Variants in GREB1 observed in about 807,000 individuals in gnomAD.
The protein encoded by GREB1 is protein GREB1.
A neutral mutation model predicts 200.7 loss-of-function variants in GREB1; 106 were observed. The observed-to-expected ratio is 0.53, with a 90% CI of 0.45 to 0.62. The LOEUF (loss-of-function observed/expected upper bound fraction) is 0.62, where lower values mean the gene tolerates loss of function less well. Ranked by LOEUF, GREB1 falls within the 20% of genes least tolerant of loss-of-function variation. GREB1 has a pLI of 0.00. For synonymous variants in GREB1, 1,132 were observed against 1,092.4 expected, an observed-to-expected ratio of 1.04 and a Z score of -0.72; for missense variants, 2,243 against 2,556.8, an observed-to-expected ratio of 0.88 and a Z score of 2.65.
chr2:11,489,136 C>T (rs1187649611), intron 1 of GREB1, among the ~76,000 whole-genome samples: 1 of 152,054 alleles, frequency 6.6e-6, no homozygotes, highest in Non-Finnish European at 1.5e-5. Context: ...CTGGTAGGAA[C>T]AATTAGAGAA....
At chr2:11,502,399 T>G (rs1259856207) in intron 1 of GREB1, among the ~76,000 whole-genome samples, 2 of 150,884 alleles carry the variant, frequency 1.3e-5, no homozygotes, top group Non-Finnish European at 3.0e-5. Context: ...TTTTTTTTTT[T>G]TTTGTAGAAA....
intron 19 of GREB1, 126 bp downstream of exon 19, chr2:11,612,736 G>A (rs1467587219): frequency 1.8e-5 from 11 of 617,050 alleles, no homozygotes; most frequent in Admixed American, 1.7e-4. Context: ...CACAGGCCCC[G>A]TGGGTGGGGC....
At chr2:11,485,526 A>T (rs1672636915) in intron 1 of GREB1, among the ~76,000 whole-genome samples, 1 of 151,560 alleles carries the variant, frequency 6.6e-6, no homozygotes, top group Non-Finnish European at 1.5e-5. Flanking sequence ...CACCCACCTC[A>T]GCCTCCCAAA....
intron 5 of GREB1, among the ~76,000 whole-genome samples, chr2:11,577,104 A>G (rs16857656): frequency 0.014 from 2,071 of 152,158 alleles, 44 homozygotes; most frequent in African/African-American, 0.047. Context: ...ATTACCTCCT[A>G]TGGCAAGTAT....
chr2:11,552,669 C>A (rs955753240), intron 1 of GREB1, among the ~76,000 whole-genome samples: 2 of 152,156 alleles, frequency 1.3e-5, no homozygotes, highest in African/African-American at 2.4e-5. Context: ...GCCATGGTAT[C>A]TAGAAAGTCC....
At chr2:11,613,054 G>A (rs189253822) in intron 19 of GREB1, among the ~76,000 whole-genome samples, 44 of 152,330 alleles carry the variant, frequency 2.9e-4, no homozygotes, top group South Asian at 6.2e-4. Context: ...CTTAGGAGGC[G>A]TTCTGGGAGT....
intron 21 of GREB1, among the ~76,000 whole-genome samples, chr2:11,617,424 G>A (rs1683511211): frequency 6.6e-6 from 1 of 152,234 alleles, no homozygotes; most frequent in Admixed American, 6.5e-5. Context: ...TAAATGAGAT[G>A]TAGACCTGAC....
chr2:11,513,982 AAG>A (rs1422322073), intron 1 of GREB1, among the ~76,000 whole-genome samples: 2 of 152,174 alleles, frequency 1.3e-5, no homozygotes, highest in African/African-American at 4.8e-5. Flanking sequence ...CTCACATCCT[AAG>A]AGGGGAGGAT....
rs978847916 is a variant in GREB1 at position 11,586,005 on chromosome 2, G to A, written c.1159+100G>A. ...ACCTCATCCCGGTCTGACTCCAAGG[G>A]TATCCTCCTGAGACAAACCTAAAAT... On this transcript the variant is annotated intron_variant, in intron 9 of 32. Coordinates refer to ENST00000381486, the MANE Select transcript of GREB1 (RefSeq NM_014668.4). The A allele has an allele frequency of 3.9e-6, 5 of 1,266,960 alleles. No homozygotes were observed. In the Admixed American group the frequency reaches 7.1e-5, roughly 18 times the overall value. The allele number at this position is 1,266,960 out of a possible 1,614,324, so 78.5% of individuals were successfully genotyped here.
intron 20 of GREB1, among the ~76,000 whole-genome samples, chr2:11,616,260 T>C (rs1002133129): frequency 1.1e-4 from 16 of 152,358 alleles, no homozygotes; most frequent in Non-Finnish European, 2.1e-4. Context: ...AGAGTTTTCC[T>C]TTCTCTACTT....
intron 6 of GREB1, among the ~76,000 whole-genome samples, chr2:11,579,586 A>G (rs1355595198): frequency 1.3e-5 from 2 of 152,178 alleles, no homozygotes; most frequent in Non-Finnish European, 2.9e-5. Flanking sequence ...AGATGAGAAC[A>G]CTGAGGCATA....
chr2:11,568,754 A>G (rs1006050497), intron 4 of GREB1, among the ~76,000 whole-genome samples: 5 of 152,262 alleles, frequency 3.3e-5, no homozygotes, highest in African/African-American at 7.2e-5. Context: ...CCACCAGCCC[A>G]GTAACAGAGC....
At chr2:11,627,251 A>C (rs1572190298) in intron 25 of GREB1, 147 bp downstream of exon 25, 2 of 677,452 alleles carry the variant, frequency 3.0e-6, no homozygotes, top group African/African-American at 1.9e-5. Flanking sequence ...TGTTCCCTTC[A>C]ATTGTCTGTG....
At chr2:11,538,290 A>G (rs910965010) in intron 1 of GREB1, among the ~76,000 whole-genome samples, 9 of 152,102 alleles carry the variant, frequency 5.9e-5, no homozygotes, top group African/African-American at 2.2e-4. Flanking sequence ...GCGCCTGGCA[A>G]TTTTGGGGAC....
chr2:11,576,288 C>T, intron 4 of GREB1, 65 bp from the exon 5 acceptor site: 1 of 1,344,350 alleles, frequency 7.4e-7, no homozygotes, highest in Non-Finnish European at 1.0e-6. Flanking sequence ...GCCTAGATGA[C>T]AAGAACGAGA....
intron 1 of GREB1, among the ~76,000 whole-genome samples, chr2:11,518,117 C>A (rs2148465197): frequency 6.6e-6 from 1 of 152,296 alleles, no homozygotes; most frequent in East Asian, 1.9e-4. Context: ...ATGGAATATG[C>A]ATGCTAATTT....
rs371920369 is a variant in GREB1 at position 11,593,052 on chromosome 2, T to A, written c.1622T>A (p.Leu541His). 2 of 1,612,946 alleles carry A rather than the reference T, an allele frequency of 1.2e-6. No homozygotes were observed. The highest frequency in any genetic ancestry group is 1.3e-5 in the African/African-American group (1 of 74,922). Residue 541 changes from leucine (L) to histidine (H), a missense_variant, in exon 11 of 33, where the codon CTT becomes CAT. Leu to His is a moderately conservative substitution (Grantham distance 99, BLOSUM62 -3). This residue lies in a region of GREB1 where 1,178 missense variants were observed against 1,387.4 expected (regional missense o/e 0.85). Transcript: ENST00000381486. ...EMFRLLVEGK[L>H]AKTNYVVIIC... Reference sequence around the variant, plus strand: ...TTCCGGCTGTTGGTCGAGGGCAAGCTTGCCAAGACCAACTACGTGGTCATC... The same window carrying A: ...TTCCGGCTGTTGGTCGAGGGCAAGCATGCCAAGACCAACTACGTGGTCATC...
intron 2 of GREB1, among the ~76,000 whole-genome samples, chr2:11,559,290 G>A (rs763426534): frequency 1.3e-5 from 2 of 152,222 alleles, no homozygotes; most frequent in Non-Finnish European, 2.9e-5. Context: ...AACACGGCTG[G>A]TTTAGTCTGC....
intron 19 of GREB1, among the ~76,000 whole-genome samples, chr2:11,613,599 G>C (rs946973512): frequency 2.6e-5 from 4 of 152,202 alleles, no homozygotes; most frequent in Non-Finnish European, 4.4e-5. Flanking sequence ...ATACTCATGG[G>C]CCAGGGGAAG....
Sources: allele counts gnomAD v4.1 joint callset (sites outside exome capture counted in the v4.1 genomes callset), GRCh38; gene constraint gnomAD v4.1.1; regional missense constraint gnomAD v4.1.1; transcripts MANE v1.5; gene names NCBI Gene and HGNC (gene_info 2026-07-23, HGNC 2026-07-21).